Variants in CCDC30 observed in about 807,000 individuals in gnomAD.
CCDC30 encodes coiled-coil domain-containing protein 30.
In CCDC30, 70 loss-of-function variants were observed where a neutral mutation model predicts 100.2. The observed-to-expected ratio is 0.70, with a 90% CI of 0.58 to 0.85. The LOEUF (loss-of-function observed/expected upper bound fraction) is 0.85. Among genes scored for constraint, CCDC30 ranks in the 40% least tolerant of loss-of-function variants. The pLI, the probability that CCDC30 is intolerant of heterozygous loss-of-function variation, is 0.00. For missense variants in CCDC30, 652 were observed against 771.2 expected (o/e 0.85, Z 1.83); for synonymous variants, 233 against 269.5 (o/e 0.86, Z 1.33).
chr1:42,526,801 C>T (rs1459364201), intron 6 of CCDC30, among the ~76,000 whole-genome samples: 1 of 152,136 alleles, frequency 6.6e-6, no homozygotes, highest in East Asian at 1.9e-4. Flanking sequence ...TACAAATTGA[C>T]TGCATAGTTA....
intron 1 of CCDC30, among the ~76,000 whole-genome samples, 157 bp from the exon 2 acceptor site, chr1:42,480,304 T>TA (rs765327567): frequency 2.0e-5 from 3 of 152,164 alleles, no homozygotes; most frequent in Admixed American, 2.0e-4. Context: ...GCTATCTTTT[T>TA]AAAAAAATTA....
At chr1:42,615,546 G>A (rs1030999772) in intron 11 of CCDC30, among the ~76,000 whole-genome samples, 7 of 151,916 alleles carry the variant, frequency 4.6e-5, no homozygotes, top group African/African-American at 7.3e-5. Context: ...TGATCCACCC[G>A]CCTCAGCCTC....
chr1:42,510,313 G>T (rs1644457092), intron 6 of CCDC30, among the ~76,000 whole-genome samples: 1 of 152,114 alleles, frequency 6.6e-6, no homozygotes, highest in Admixed American at 6.6e-5. Context: ...CTTGGTTAGG[G>T]TTTGGCTTAG....
chr1:42,482,583 T>TTTTTTTTTTTTTTTTTTTTTTTTG (rs1643979903), intron 2 of CCDC30, 80 bp from the exon 3 acceptor site: 2 of 915,036 alleles, frequency 2.2e-6, no homozygotes, highest in African/African-American at 3.4e-5. Context: ...TATTGGCTTT[T>TTTTTTTTTTTTTTTTTTTTTTTTG]AAACATTAAT....
chr1:42,624,246 A>G (rs192907024), intron 11 of CCDC30, among the ~76,000 whole-genome samples: 1 of 152,142 alleles, frequency 6.6e-6, no homozygotes, highest in East Asian at 1.9e-4. Context: ...GTTTCTTGAG[A>G]GTTTTTATCA....
intron 1 of CCDC30, among the ~76,000 whole-genome samples, chr1:42,465,594 A>G (rs1643549951): frequency 6.6e-6 from 1 of 151,942 alleles, no homozygotes; most frequent in Admixed American, 6.6e-5. Flanking sequence ...TGAACTCCTG[A>G]CCCCAGGTGA....
At chr1:42,576,510 T>C (rs990193148) in intron 7 of CCDC30, among the ~76,000 whole-genome samples, 1 of 152,172 alleles carries the variant, frequency 6.6e-6, no homozygotes. Context: ...GCATTTCAAA[T>C]TATAGAAATG....
At chr1:42,535,727 A>ATATATATATTATATATATAT (rs1435467963) in intron 6 of CCDC30, among the ~76,000 whole-genome samples, 1 of 2,690 alleles carries the variant, frequency 3.7e-4, no homozygotes, top group Non-Finnish European at 8.1e-4. Context: ...ATAAATTTTA[A>ATATATATATTATATATATAT]AAAATTAAAA....
chr1:42,486,909 A>G lies in CCDC30; in HGVS notation c.170-3249A>G, dbSNP rs553674583. Among the ~76,000 whole-genome samples, 26 of 152,314 alleles carry G rather than the reference A, an allele frequency of 1.7e-4. No homozygotes were observed. In the South Asian group the frequency reaches 5.2e-3, roughly 30 times the overall value. On this transcript the variant is annotated intron_variant, in intron 3 of 16. Coordinates refer to ENST00000668663, the Ensembl canonical transcript of CCDC30. ...AGCTAAGTAAAAGAAGTCAGATGCA[A>G]AAGATCATATATTGTGTGATTCCAT...
At chr1:42,642,785 A>G (rs911054954) in intron 13 of CCDC30, among the ~76,000 whole-genome samples, 176 bp downstream of exon 17, 4 of 152,200 alleles carry the variant, frequency 2.6e-5, no homozygotes, top group African/African-American at 7.2e-5. Context: ...AATTAAAGAG[A>G]AAAATATCAT....
At chr1:42,636,715 C>G (rs1647163401) in intron 11 of CCDC30, among the ~76,000 whole-genome samples, 1 of 152,074 alleles carries the variant, frequency 6.6e-6, no homozygotes, top group Admixed American at 6.5e-5. Context: ...TGCCTGTAAT[C>G]CCAGCATCTT....
At chr1:42,493,526 G>T (rs917210236) in intron 4 of CCDC30, among the ~76,000 whole-genome samples, 5 of 152,126 alleles carry the variant, frequency 3.3e-5, no homozygotes, top group Non-Finnish European at 7.4e-5. Context: ...GGCAGAGGTT[G>T]CAGTGACCGG....
At chr1:42,537,477 T>G in intron 6 of CCDC30, 1 of 352,062 alleles carries the variant, frequency 2.8e-6, no homozygotes, top group Non-Finnish European at 5.6e-6. Flanking sequence ...TCTTGCCTTT[T>G]TGTCTAAGCC....
the CCDC30 span, chr1:42,457,450 A>G: frequency 8.9e-6 from 9 of 1,007,342 alleles, no homozygotes; most frequent in Admixed American, 1.7e-5. Context: ...TGTATTCGCT[A>G]GGCACAGGGG....
rs1022942481 is a variant in CCDC30, at chr1:42,648,343, C to T, written c.1854+2026C>T. ...AGAAACTAGAAAAGCAAGAACAAAC[C>T]AAACCCAAAATTGATACAAGGAAAG... On this transcript the variant is annotated intron_variant, in intron 15 of 16. Coordinates refer to ENST00000668663, the Ensembl canonical transcript of CCDC30. 3.3e-5 allele frequency among the ~76,000 whole-genome samples: 5 copies of T among 152,124 alleles called. No individual in the cohort carries two copies. In the East Asian group the frequency reaches 7.7e-4, roughly 23 times the overall value.
intron 7 of CCDC30, among the ~76,000 whole-genome samples, chr1:42,567,841 T>G (rs1645639131): frequency 6.6e-6 from 1 of 152,176 alleles, no homozygotes; most frequent in East Asian, 1.9e-4. Context: ...TATAAATATT[T>G]ATTGGATTAA....
intron 6 of CCDC30, chr1:42,510,292 T>A: frequency 4.1e-6 from 1 of 243,450 alleles, no homozygotes; most frequent in Non-Finnish European, 6.6e-6. Context: ...CGGAGCTGCC[T>A]GGTTTTCAAC....
chr1:42,615,328 C>T (rs887255795), intron 11 of CCDC30, among the ~76,000 whole-genome samples: 1 of 152,162 alleles, frequency 6.6e-6, no homozygotes, highest in Non-Finnish European at 1.5e-5. Flanking sequence ...CAGGATCTCA[C>T]TCTCTTGCCC....
Position 42,536,822 on chromosome 1 carries a change from G to T in CCDC30, c.457-29474G>T, listed in dbSNP as rs7515594. 2.1e-3 allele frequency: 1,014 copies of T among 484,334 alleles called. 9 individuals carry two copies. Among genetic ancestry groups the T allele is most frequent in the African/African-American group, 0.019 (958 of 50,616 alleles). The allele number at this position is 484,334 out of a possible 1,614,324, so 30.0% of individuals were successfully genotyped here. On this transcript the variant is annotated intron_variant, in intron 6 of 16. Coordinates refer to ENST00000668663, the Ensembl canonical transcript of CCDC30. The stretch of plus-strand genomic sequence containing the variant: ...CCAGCCAAGTCAGTTCCTGGTGAGG[G>T]TTCTCTTCCTGGCTTGCAGATGGCC...
Sources: allele counts gnomAD v4.1 joint callset (sites outside exome capture counted in the v4.1 genomes callset), GRCh38; gene constraint gnomAD v4.1.1; transcripts MANE v1.5; gene names NCBI Gene and HGNC (gene_info 2026-07-23, HGNC 2026-07-21).